Variants in PCDH11X observed in about 807,000 individuals in gnomAD.
PCDH11X encodes the protein protocadherin 11 X-linked.
Under a neutral mutation model 53.3 loss-of-function variants are expected in PCDH11X, and 18 were observed. That is an observed-to-expected ratio of 0.34 (90% CI 0.23 to 0.50). The LOEUF is 0.50. PCDH11X is among the 20% of genes least tolerant of loss of function. The pLI, the probability that PCDH11X is intolerant of heterozygous loss-of-function variation, is 0.98. For synonymous variants in PCDH11X, 279 were observed against 393.3 expected (o/e 0.71, Z 3.44); for missense variants, 570 against 1,032.4 (o/e 0.55, Z 6.14).
At chrX:91,799,376 G>C (rs185126463) in intron 1 of PCDH11X, among the ~76,000 whole-genome samples, 1 of 111,851 alleles carries the variant, frequency 8.9e-6, no homozygotes, top group African/African-American at 3.2e-5. Context: ...GCTCACAAGA[G>C]TGAGTGTGAG....
chrX:92,552,643 C>T (rs1300653405), intron 10 of PCDH11X, among the ~76,000 whole-genome samples: 1 of 110,353 alleles, frequency 9.1e-6, no homozygotes, highest in African/African-American at 3.3e-5. Flanking sequence ...CATTTTTCCC[C>T]ATTCAGTATT....
intron 6 of PCDH11X, among the ~76,000 whole-genome samples, chrX:92,015,345 A>G (rs1158839432): frequency 8.9e-6 from 1 of 111,852 alleles, no homozygotes; most frequent in Non-Finnish European, 1.9e-5. Flanking sequence ...ATTTCTTAAA[A>G]GAAGATCACA....
intron 6 of PCDH11X, among the ~76,000 whole-genome samples, chrX:92,005,623 A>G (rs1240409082): frequency 8.9e-6 from 1 of 112,056 alleles, no homozygotes; most frequent in Non-Finnish European, 1.9e-5. Context: ...TCTGCTTAAG[A>G]TAATAGTAGT....
chrX:92,209,965 G>T (rs2066549988), intron 7 of PCDH11X, among the ~76,000 whole-genome samples: 1 of 111,451 alleles, frequency 9.0e-6, no homozygotes, highest in Non-Finnish European at 1.9e-5. Flanking sequence ...CTGTACCTTG[G>T]CCCTTTTTAG....
chrX:92,619,031 G>C lies in PCDH11X; in HGVS notation c.*91G>C. 2.1e-6 allele frequency: 2 copies of C among 948,009 alleles called. No individual in the cohort carries two copies. The highest frequency in any genetic ancestry group is 3.0e-6 in the Non-Finnish European group (2 of 673,144). The allele number at this position is 948,009 out of a possible 1,213,427, so 78.1% of individuals were successfully genotyped here. ...AATGAGTATTCTGATTATCAGATTT[G>C]TAAATAACTATGTAAATAGAAACAG... On this transcript the variant is annotated 3_prime_UTR_variant, in exon 11 of 11. Coordinates refer to ENST00000682573, the MANE Select transcript of PCDH11X (RefSeq NM_032968.5).
At chrX:91,887,002 G>T (rs1208342620) in intron 6 of PCDH11X, among the ~76,000 whole-genome samples, 10 of 98,847 alleles carry the variant, frequency 1.0e-4, no homozygotes, top group African/African-American at 3.0e-4. Flanking sequence ...GAAAAGAAAA[G>T]AAAATATATA....
intron 6 of PCDH11X, among the ~76,000 whole-genome samples, chrX:92,110,255 G>T (rs1266461410): frequency 9.1e-6 from 1 of 110,274 alleles, no homozygotes; most frequent in Non-Finnish European, 1.9e-5. Flanking sequence ...TAAATCTTAG[G>T]CTCTTACAAA....
chrX:92,205,596 TG>T (rs2066461723), intron 7 of PCDH11X, among the ~76,000 whole-genome samples: 1 of 67,512 alleles, frequency 1.5e-5, no homozygotes, highest in Non-Finnish European at 2.7e-5. Flanking sequence ...GCTAAATCAA[TG>T]TTTTTTTTTT....
intron 9 of PCDH11X, chrX:92,420,566 A>G (rs756903233): frequency 3.0e-6 from 1 of 331,407 alleles, no homozygotes; most frequent in Non-Finnish European, 5.7e-6. Flanking sequence ...TATTTAATGG[A>G]TATAAAGTTT....
intron 6 of PCDH11X, among the ~76,000 whole-genome samples, chrX:92,098,946 C>T (rs748373816): frequency 9.0e-6 from 1 of 111,509 alleles, no homozygotes; most frequent in African/African-American, 3.3e-5. Context: ...TGCACCCGGC[C>T]CCTGAATGCT....
chrX:92,551,337 C>A (rs1266524551), intron 10 of PCDH11X, among the ~76,000 whole-genome samples: 5 of 109,035 alleles, frequency 4.6e-5, no homozygotes, highest in Non-Finnish European at 9.6e-5. Flanking sequence ...TTTTCATATA[C>A]TTGTTTGACA....
At position 92,622,001 on chromosome X, in the gene PCDH11X, A is replaced by G. The variant is rs778012717; in HGVS notation, c.*3061A>G. On this transcript the variant is annotated 3_prime_UTR_variant, in exon 11 of 11. Transcript: ENST00000682573. ...ACTAAGTATCTTATATGCTACGTGC[A>G]TACACATTCTTTTCTTAAACTTTAC... The G allele has an allele frequency of 3.0e-5, 3 of 101,057 alleles. No homozygotes were observed. The Admixed American group carries it at 3.3e-4, about 11-fold the overall frequency. The allele number at this position is 101,057 out of a possible 1,213,427, so 8.3% of individuals were successfully genotyped here.
intron 7 of PCDH11X, among the ~76,000 whole-genome samples, chrX:92,219,036 G>T (rs1413219913): frequency 8.1e-5 from 9 of 111,257 alleles, no homozygotes; most frequent in Non-Finnish European, 1.5e-4. Context: ...AGGTATTGAT[G>T]GGACGTATCT....
chrX:92,317,873 G>A (rs1304649677), intron 8 of PCDH11X, among the ~76,000 whole-genome samples: 11 of 111,124 alleles, frequency 9.9e-5, no homozygotes, highest in Admixed American at 6.7e-4. Flanking sequence ...ATTACTGTTA[G>A]CATTCAGTAT....
rs1240792834 is a variant in PCDH11X at position 92,621,954 on chromosome X, A to C, written c.*3014A>C. On this transcript the variant is annotated 3_prime_UTR_variant, in exon 11 of 11. Transcript: ENST00000682573. ...TCTAGCTATGGTATTACTATATCAC[A>C]CTTGTGAGTATGTATTCAAATACTA... The C allele has an allele frequency of 9.5e-6, 1 of 105,353 alleles. No individual in the cohort carries two copies. The highest frequency in any genetic ancestry group is 1.9e-5 in the Non-Finnish European group (1 of 51,337). The allele number at this position is 105,353 out of a possible 1,213,427, so 8.7% of individuals were successfully genotyped here.
chrX:92,298,173 C>T (rs1054608335), intron 8 of PCDH11X, among the ~76,000 whole-genome samples: 25 of 111,262 alleles, frequency 2.2e-4, no homozygotes, highest in African/African-American at 8.2e-4. Context: ...CCAGGATTTC[C>T]AGCACTGTTT....
chrX:92,389,351 T>C (rs2071076857), intron 9 of PCDH11X, among the ~76,000 whole-genome samples: 1 of 111,789 alleles, frequency 8.9e-6, no homozygotes, highest in Non-Finnish European at 1.9e-5. Flanking sequence ...AAGTAACAAA[T>C]ACACATTAAG....
chrX:91,907,412 C>CACACAGAGAGAGAG (rs756926383), intron 6 of PCDH11X, among the ~76,000 whole-genome samples: 46 of 57,498 alleles, frequency 8.0e-4, no homozygotes, highest in East Asian at 1.2e-3. Context: ...CACACACACA[C>CACACAGAGAGAGAG]AGAGAGAGAG....
chrX:92,195,764 C>A (rs1273363507), intron 6 of PCDH11X, among the ~76,000 whole-genome samples: 1 of 111,800 alleles, frequency 8.9e-6, no homozygotes, highest in Non-Finnish European at 1.9e-5. Flanking sequence ...TGTCTCCTGA[C>A]ACCAATTTGC....
Sources: gnomAD v4.1 joint callset for allele counts (sites outside exome capture counted in the v4.1 genomes callset) on GRCh38, gnomAD v4.1.1 for gene constraint, MANE v1.5 for transcripts, NCBI Gene and HGNC (gene_info 2026-07-23, HGNC 2026-07-21) for gene names.